OSBPL11: variants seen among roughly 807,000 people sequenced by gnomAD.
OSBPL11 encodes the protein oxysterol-binding protein-related protein 11.
A neutral mutation model predicts 84.4 loss-of-function variants in OSBPL11; 33 were observed. The ratio of observed to expected loss-of-function variants is 0.39; its 90% confidence interval spans 0.30 to 0.52. The LOEUF (loss-of-function observed/expected upper bound fraction) is 0.52, where lower values mean the gene tolerates loss of function less well. OSBPL11 is among the 20% of genes least tolerant of loss of function. The pLI is 0.72. For synonymous variants in OSBPL11, 276 were observed against 310.2 expected (o/e 0.89, Z 1.16); for missense variants, 736 against 901.1 (o/e 0.82, Z 2.35).
At chr3:125,574,621 C>G (rs1458356370) in intron 5 of OSBPL11, among the ~76,000 whole-genome samples, 1 of 151,410 alleles carries the variant, frequency 6.6e-6, no homozygotes, top group Non-Finnish European at 1.5e-5. Context: ...TAAAAAAAGA[C>G]AGTATTTGTT....
chr3:125,578,985 T>C lies in OSBPL11; in HGVS notation c.464A>G (p.Gln155Arg), dbSNP rs776398661. The C allele has an allele frequency of 1.3e-6, 2 of 1,590,060 alleles. No homozygotes were observed. Among genetic ancestry groups the C allele is most frequent in the South Asian group, 1.2e-5 (1 of 86,790 alleles). ...CTTTCCAATAGCTTCAGTATGATGC[T>C]GTGTACATATCTGAAGTCTGCTAAC... ...HWVSRLQICT[Q>R]HHTEAIGKNN... Residue 155 changes from glutamine to arginine, a missense_variant, in exon 4 of 13, where the codon CAG (glutamine) becomes CGG (arginine). By Grantham distance (43) the Gln-to-Arg change is conservative (BLOSUM62 1). Coordinates refer to ENST00000296220, the MANE Select transcript of OSBPL11 (RefSeq NM_022776.5).
intron 8 of OSBPL11, among the ~76,000 whole-genome samples, chr3:125,557,745 T>G (rs901791515): frequency 6.6e-6 from 1 of 151,694 alleles, no homozygotes. Flanking sequence ...TCTTAATTTG[T>G]GGTTGGTTAA....
At chr3:125,575,157 T>C (rs948098820) in intron 5 of OSBPL11, among the ~76,000 whole-genome samples, 2 of 152,204 alleles carry the variant, frequency 1.3e-5, no homozygotes, top group Non-Finnish European at 2.9e-5. Context: ...GAGAATTCCG[T>C]TGTGTTCTGT....
At chr3:125,562,727 G>A (rs1162187217) in intron 7 of OSBPL11, among the ~76,000 whole-genome samples, 1 of 152,124 alleles carries the variant, frequency 6.6e-6, no homozygotes, top group Non-Finnish European at 1.5e-5. Context: ...CAGAGTTCGA[G>A]ACCAGCCTGA....
At position 125,551,230 on chromosome 3, in the gene OSBPL11, T is replaced by G. The variant is rs1008118583; in HGVS notation, c.1654+951A>C. 2.6e-4 allele frequency among the ~76,000 whole-genome samples: 38 copies of G among 148,436 alleles called. 1 individual carries two copies. Among genetic ancestry groups the G allele is most frequent in the African/African-American group, 8.9e-4 (36 of 40,332 alleles). ...AAAAAAGGATGGAAAATCTATTTCA[T>G]AGAATATTATGCAGTCATTAAAATA... On this transcript the variant is annotated intron_variant, in intron 9 of 12. Coordinates refer to ENST00000296220, the MANE Select transcript of OSBPL11 (RefSeq NM_022776.5).
chr3:125,550,247 C>T (rs962904091), intron 9 of OSBPL11, among the ~76,000 whole-genome samples: 9 of 151,782 alleles, frequency 5.9e-5, no homozygotes, highest in East Asian at 1.9e-4. Flanking sequence ...TGGTGGCGCA[C>T]GCCTGTAATC....
chr3:125,532,055 AAG>A, intron 11 of OSBPL11, 41 bp from the exon 12 acceptor site: 1 of 1,566,746 alleles, frequency 6.4e-7, no homozygotes, highest in South Asian at 1.2e-5. Flanking sequence ...CATTCTTTAA[AAG>A]AGATAATTAA....
intron 2 of OSBPL11, among the ~76,000 whole-genome samples, chr3:125,580,376 TG>T (rs1316747511): frequency 1.3e-5 from 2 of 151,778 alleles, no homozygotes; most frequent in Admixed American, 1.3e-4. Context: ...TAGCCAGGTG[TG>T]GTGGTGCATG....
intron 11 of OSBPL11, among the ~76,000 whole-genome samples, chr3:125,533,412 A>G (rs1422323909): frequency 5.3e-5 from 8 of 152,084 alleles, no homozygotes; most frequent in Non-Finnish European, 1.2e-4. Context: ...TTGAGTACAG[A>G]CAGGGTTTCA....
In OSBPL11 at chr3:125,538,435, T is replaced by A; in HGVS notation, c.2024+16A>T. The A allele has an allele frequency of 6.2e-7, 1 of 1,609,326 alleles. No homozygotes were observed. Among genetic ancestry groups the A allele is most frequent in the Non-Finnish European group, 8.5e-7 (1 of 1,177,376 alleles). ...AGCATCTGACTCTTTCCTGGATAGA[T>A]GCAAGGATGACATACCTGGATTCAA... On this transcript the variant is annotated intron_variant, in intron 11 of 12. Coordinates refer to ENST00000296220, the MANE Select transcript of OSBPL11 (RefSeq NM_022776.5).
At chr3:125,575,740 T>C (rs578127082) in intron 5 of OSBPL11, among the ~76,000 whole-genome samples, 40 of 151,854 alleles carry the variant, frequency 2.6e-4, no homozygotes, top group African/African-American at 8.5e-4. Context: ...TCTGGCTTTG[T>C]TGCCCAGGCT....
intron 5 of OSBPL11, among the ~76,000 whole-genome samples, chr3:125,571,437 A>T (rs1936240140): frequency 6.6e-6 from 1 of 152,060 alleles, no homozygotes; most frequent in South Asian, 2.1e-4. Flanking sequence ...CTGAATGTTA[A>T]CCCCCAAGAC....
At chr3:125,542,571 C>T (rs527349212) in intron 10 of OSBPL11, among the ~76,000 whole-genome samples, 2 of 151,012 alleles carry the variant, frequency 1.3e-5, no homozygotes, top group South Asian at 2.1e-4. Flanking sequence ...TGCAGTGGCA[C>T]GATCTCAGCT....
rs1559837583 is a variant in OSBPL11 at position 125,547,609 on chromosome 3, G to A, written c.1655-17C>T. The A allele has an allele frequency of 6.4e-7, 1 of 1,562,892 alleles. No homozygotes were observed. The highest frequency in any genetic ancestry group is 1.2e-5 in the South Asian group (1 of 84,832). ...TAAGGATACCTGAATGTGAAAACAT[G>A]AGGGTGGTTAACATCTTTTTAAAGA... On this transcript the variant is annotated splice_polypyrimidine_tract_variant and intron_variant, in intron 9 of 12. Transcript: ENST00000296220.
At chr3:125,581,883 G>A (rs1392351494) in intron 2 of OSBPL11, among the ~76,000 whole-genome samples, 3 of 151,910 alleles carry the variant, frequency 2.0e-5, no homozygotes, top group Non-Finnish European at 4.4e-5. Flanking sequence ...GGCTGGGGCA[G>A]GAGGATGATT....
In OSBPL11 at chr3:125,576,385, A is replaced by G. The variant is rs753175708; in HGVS notation, c.490-20T>C. 1 of 1,530,448 alleles carries G rather than the reference A, an allele frequency of 6.5e-7. No individual in the cohort carries two copies. Among genetic ancestry groups the G allele is most frequent in the Non-Finnish European group, 8.7e-7 (1 of 1,145,356 alleles). 94.8% of individuals were successfully genotyped at this position (1,530,448 alleles called of 1,614,324 possible). Reference sequence around the variant, plus strand: ...ATTATTCTGTTAGACAAAGAAAATCATTCCTTTTGTTTTCTTCTTTAATTT... The same window carrying G: ...ATTATTCTGTTAGACAAAGAAAATCGTTCCTTTTGTTTTCTTCTTTAATTT... On this transcript the variant is annotated intron_variant, in intron 4 of 12. Transcript: ENST00000296220.
intron 10 of OSBPL11, among the ~76,000 whole-genome samples, chr3:125,543,033 G>C (rs1186467148): frequency 6.6e-6 from 1 of 151,680 alleles, no homozygotes; most frequent in African/African-American, 2.4e-5. Flanking sequence ...AATGGTTATT[G>C]AATCAGATAG....
chr3:125,534,276 G>A (rs1309981958), intron 11 of OSBPL11, among the ~76,000 whole-genome samples: 3 of 151,840 alleles, frequency 2.0e-5, no homozygotes, highest in African/African-American at 7.3e-5. Flanking sequence ...CCAGCTACTC[G>A]GGAGGCTGAG....
intron 8 of OSBPL11, among the ~76,000 whole-genome samples, chr3:125,553,434 T>G (rs1418716724): frequency 6.6e-6 from 1 of 152,212 alleles, no homozygotes; most frequent in Non-Finnish European, 1.5e-5. Flanking sequence ...AAGAGAACTA[T>G]TTCCAATAAG....
Sources: allele counts gnomAD v4.1 joint callset (sites outside exome capture counted in the v4.1 genomes callset), GRCh38; gene constraint gnomAD v4.1.1; transcripts MANE v1.5; gene names NCBI Gene and HGNC (gene_info 2026-07-23, HGNC 2026-07-21).